SPEN: variants seen among roughly 807,000 people sequenced by gnomAD.
SPEN encodes the protein spen family transcriptional repressor.
Under a neutral mutation model 269.9 loss-of-function variants are expected in SPEN, and 18 were observed. The observed-to-expected ratio is 0.07, with a 90% CI of 0.05 to 0.10. The LOEUF is 0.10. Ranked by LOEUF, SPEN falls within the 10% of genes least tolerant of loss-of-function variation. SPEN has a pLI of 1.00. For synonymous variants in SPEN, 1,726 were observed against 1,765.7 expected (o/e 0.98, Z 0.56); for missense variants, 3,822 against 4,631.2 (o/e 0.83, Z 5.07).
chr1:15,877,277 A>G (rs1167189094), intron 3 of SPEN, among the ~76,000 whole-genome samples: 1 of 152,110 alleles, frequency 6.6e-6, no homozygotes, highest in Non-Finnish European at 1.5e-5. Flanking sequence ...ACAAATATAT[A>G]TATATATTTT....
rs1182746074 is a variant in SPEN, at chr1:15,909,441, T to C, written c.1002T>C (p.Ser334=). ...SSLEKDEPRK[S]FGIKVQNLPV... ...TGGAAAAAGATGAGCCCCGTAAAAG[T>C]TTTGGCATCAAGGTCCAGAATCTTC... Residue 334 remains serine (S), a synonymous_variant, in exon 4 of 15, where the codon AGT becomes AGC. Coordinates refer to ENST00000375759, the MANE Select transcript of SPEN (RefSeq NM_015001.3). 1.2e-6 allele frequency: 2 copies of C among 1,614,048 alleles called. No homozygotes were observed. The highest frequency in any genetic ancestry group is 2.7e-5 in the African/African-American group (2 of 74,922).
chr1:15,899,232 G>A (rs1467466141), intron 3 of SPEN, among the ~76,000 whole-genome samples: 1 of 152,044 alleles, frequency 6.6e-6, no homozygotes, highest in African/African-American at 2.4e-5. Context: ...GTGTAGTGGT[G>A]CGATTTTGGC....
Position 15,934,341 on chromosome 1 carries a change from A to T in SPEN, c.8101A>T (p.Thr2701Ser). The T allele has an allele frequency of 6.2e-7, 1 of 1,613,676 alleles. No homozygotes were observed. The highest frequency in any genetic ancestry group is 8.5e-7 in the Non-Finnish European group (1 of 1,180,022). The stretch of plus-strand genomic sequence containing the variant: ...CCTGAAAGGGCCTGTGAATGTTCTT[A>T]CGGGGCCAGTGAATGTTCTCACCAC... ...NVLKGPVNVL[T>S]GPVNVLTTPV... Residue 2701 changes from threonine (T) to serine (S), a missense_variant, in exon 11 of 15, where the codon ACG becomes TCG. Physicochemically the swap from Thr to Ser is moderately conservative, Grantham distance 58. This residue lies in a region of SPEN where 329 missense variants were observed against 431.2 expected (regional missense o/e 0.76). Transcript: ENST00000375759. This position sits in a 1 kb window ranked among gnomAD's most constrained non-coding sequence, Gnocchi z 9.2.
intron 1 of SPEN, among the ~76,000 whole-genome samples, chr1:15,868,527 C>T (rs570237199): frequency 9.2e-5 from 14 of 151,908 alleles, no homozygotes; most frequent in African/African-American, 2.4e-4. Flanking sequence ...CTCCGCCTCC[C>T]GGGTTCACGC....
Position 15,901,828 on chromosome 1 carries a change from T to C in SPEN, c.882-7493T>C, listed in dbSNP as rs535587416. Among the ~76,000 whole-genome samples, 3 of 152,142 alleles carry C rather than the reference T, an allele frequency of 2.0e-5. No individual in the cohort carries two copies. In the South Asian group the frequency reaches 6.2e-4, roughly 31 times the overall value. ...TTTCATTTATTGTGGACAGTATCTA[T>C]TGACATTTGCCGTATTGAAATTTAA... On this transcript the variant is annotated intron_variant, in intron 3 of 14. Transcript: ENST00000375759.
At chr1:15,856,424 G>C (rs1182028332) in intron 1 of SPEN, among the ~76,000 whole-genome samples, 1 of 151,958 alleles carries the variant, frequency 6.6e-6, no homozygotes, top group African/African-American at 2.4e-5. Context: ...ATAATATAGA[G>C]AAAACTAATA....
chr1:15,913,652 G>T (rs1326428847), intron 5 of SPEN, among the ~76,000 whole-genome samples: 1 of 151,902 alleles, frequency 6.6e-6, no homozygotes, highest in Non-Finnish European at 1.5e-5. Flanking sequence ...AGTTTGGGAG[G>T]CTGAGGCAGG....
intron 8 of SPEN, among the ~76,000 whole-genome samples, chr1:15,920,593 A>G (rs2071108798): frequency 6.6e-6 from 1 of 152,140 alleles, no homozygotes; most frequent in South Asian, 2.1e-4. Context: ...AATACAATAT[A>G]GTGGTCAGTA....
intron 3 of SPEN, among the ~76,000 whole-genome samples, chr1:15,892,330 T>G (rs2070798673): frequency 6.6e-6 from 1 of 152,206 alleles, no homozygotes; most frequent in South Asian, 2.1e-4. Flanking sequence ...AGCTCTTCGT[T>G]TTACTTTTTA....
chr1:15,904,479 T>TAAAAAAAAAAAAAAAAAAAAAAAAAA (rs1557750239), intron 3 of SPEN, among the ~76,000 whole-genome samples: 1 of 81,112 alleles, frequency 1.2e-5, no homozygotes, highest in Non-Finnish European at 2.4e-5. Flanking sequence ...AAAAAAAAAG[T>TAAAAAAAAAAAAAAAAAAAAAAAAAA]GAACTAAAAA....
At chr1:15,921,230 T>C (rs1474249283) in intron 9 of SPEN, among the ~76,000 whole-genome samples, 2 of 152,142 alleles carry the variant, frequency 1.3e-5, no homozygotes, top group Non-Finnish European at 2.9e-5. Flanking sequence ...CTTGGGAGGC[T>C]GAGGCAGGAG....
At chr1:15,858,596 C>G (rs1192817890) in intron 1 of SPEN, among the ~76,000 whole-genome samples, 1 of 152,178 alleles carries the variant, frequency 6.6e-6, no homozygotes, top group Admixed American at 6.6e-5. Flanking sequence ...GAATGTATCC[C>G]TGTTCTTAAG....
rs1232547391 is a variant in SPEN at position 15,848,678 on chromosome 1, G to A, written c.83+528G>A. Among the ~76,000 whole-genome samples, 1 of 152,222 alleles carries A rather than the reference G, an allele frequency of 6.6e-6. No individual in the cohort carries two copies. The highest frequency in any genetic ancestry group is 1.5e-5 in the Non-Finnish European group (1 of 68,026). On this transcript the variant is annotated intron_variant, in intron 1 of 14. Transcript: ENST00000375759. This position sits in a 1 kb window ranked among gnomAD's most constrained non-coding sequence, Gnocchi z 5.1. ...AAGTCGCAGTAGGTACTGTGGTCGC[G>A]TCGCGGACCCGGAGAGACCATCTAG...
chr1:15,893,235 G>C (rs1190290177), intron 3 of SPEN, among the ~76,000 whole-genome samples: 9 of 152,218 alleles, frequency 5.9e-5, no homozygotes, highest in African/African-American at 2.2e-4. Context: ...GTTGGAATTA[G>C]AAGACAGAAA....
intron 4 of SPEN, among the ~76,000 whole-genome samples, chr1:15,910,453 T>G (rs2071001980): frequency 6.6e-6 from 1 of 152,128 alleles, no homozygotes; most frequent in African/African-American, 2.4e-5. Flanking sequence ...CCTTTCCATT[T>G]CAAGTCTTTA....
At chr1:15,852,284 C>A (rs141282599) in intron 1 of SPEN, among the ~76,000 whole-genome samples, 1 of 152,068 alleles carries the variant, frequency 6.6e-6, no homozygotes, top group African/African-American at 2.4e-5. Context: ...GCCATACCAC[C>A]CATACCACCC....
chr1:15,928,524 C>T lies in SPEN; in HGVS notation c.2284C>T (p.Arg762Trp), dbSNP rs1458025654. ...ERRLYSRSSD[R>W]SGSCSSLSPP... ...GAGGCTTTACAGCCGATCCTCAGAC[C>T]GGAGTGGAAGCTGTAGCTCACTCTC... Residue 762 changes from arginine to tryptophan, a missense_variant, in exon 11 of 15, where the codon CGG becomes TGG. Physicochemically the swap from Arg to Trp is moderately radical, Grantham distance 101 (BLOSUM62 -3). Coordinates refer to ENST00000375759, the MANE Select transcript of SPEN (RefSeq NM_015001.3). This position sits in a 1 kb window ranked among gnomAD's most constrained non-coding sequence, Gnocchi z 5.7. The T allele has an allele frequency of 1.5e-5, 24 of 1,614,000 alleles. No individual in the cohort carries two copies. Among genetic ancestry groups the T allele is most frequent in the South Asian group, 7.7e-5 (7 of 91,060 alleles).
Position 15,929,119 on chromosome 1 carries a change from CCA to C in SPEN, c.2880_2881del (p.Arg961GlufsTer6). Reference sequence around the variant, plus strand: ...GTGGAGAAGGAAGGCAGGCTTAAAGCCAGGAAGCACCTCAAGCCTGAGCAGCC... The same window carrying C: ...GTGGAGAAGGAAGGCAGGCTTAAAGCGGAAGCACCTCAAGCCTGAGCAGCC... On this transcript the variant is annotated frameshift_variant, in exon 11 of 15. Transcript: ENST00000375759. LOFTEE classifies it high-confidence loss of function. This position sits in a 1 kb window ranked among gnomAD's most constrained non-coding sequence, Gnocchi z 5.8. The C allele has an allele frequency of 6.2e-7, 1 of 1,614,138 alleles. No individual in the cohort carries two copies. The highest frequency in any genetic ancestry group is 8.5e-7 in the Non-Finnish European group (1 of 1,180,018).
In SPEN at chr1:15,928,624, G is replaced by C; in HGVS notation, c.2384G>C (p.Arg795Pro). The C allele has an allele frequency of 1.2e-6, 2 of 1,613,976 alleles. No individual in the cohort carries two copies. The highest frequency in any genetic ancestry group is 1.7e-6 in the Non-Finnish European group (2 of 1,179,998). Reference protein sequence around the residue: ...YTKNEKTDKERTFDPERVERE... With the variant: ...YTKNEKTDKEPTFDPERVERE... ...AAAAATGAAAAGACAGATAAAGAACGAACTTTTGATCCGGAGAGAGTGGAG... is the reference window on the plus strand; with the variant it reads ...AAAAATGAAAAGACAGATAAAGAACCAACTTTTGATCCGGAGAGAGTGGAG... The change falls in exon 11 of 15, where the codon CGA (arginine) becomes CCA (proline). Residue 795 changes from arginine (R) to proline (P), a missense_variant. Transcript: ENST00000375759. This position sits in a 1 kb window ranked among gnomAD's most constrained non-coding sequence, Gnocchi z 5.7.
Sources: gnomAD v4.1 joint callset for allele counts (sites outside exome capture counted in the v4.1 genomes callset) on GRCh38, gnomAD v4.1.1 for gene constraint, gnomAD v4.1.1 regional missense constraint, Gnocchi (gnomAD v3.1) non-coding constraint, MANE v1.5 for transcripts, NCBI Gene and HGNC (gene_info 2026-07-23, HGNC 2026-07-21) for gene names.